The following MAGI1 variants were observed in gnomAD, a reference collection of about 807,000 sequenced individuals.
The protein encoded by MAGI1 is membrane associated guanylate kinase, WW and PDZ domain containing 1.
A neutral mutation model predicts 139.9 loss-of-function variants in MAGI1; 58 were observed. That is an observed-to-expected ratio of 0.41 (90% CI 0.34 to 0.52). The LOEUF (loss-of-function observed/expected upper bound fraction) is 0.52, where lower values mean the gene tolerates loss of function less well. MAGI1 is among the 20% of genes least tolerant of loss of function. The pLI, the probability that MAGI1 is intolerant of heterozygous loss-of-function variation, is 0.12. For missense variants in MAGI1, 1,874 were observed against 1,901.6 expected (o/e 0.99, Z 0.27); for synonymous variants, 812 against 737.9 (o/e 1.10, Z -1.63).
chr3:65,692,125 G>A (rs2088723946), intron 1 of MAGI1, among the ~76,000 whole-genome samples: 1 of 151,960 alleles, frequency 6.6e-6, no homozygotes, highest in Admixed American at 6.5e-5. Flanking sequence ...AAAAAAATGT[G>A]ATCTGGACAT....
intron 1 of MAGI1, among the ~76,000 whole-genome samples, chr3:66,028,677 G>A (rs1463536712): frequency 6.6e-6 from 1 of 151,982 alleles, no homozygotes; most frequent in African/African-American, 2.4e-5. Context: ...CACAACCTGC[G>A]ACCTGCGAAC....
intron 1 of MAGI1, among the ~76,000 whole-genome samples, chr3:65,631,549 A>G (rs767249157): frequency 6.6e-6 from 1 of 152,120 alleles, no homozygotes; most frequent in Non-Finnish European, 1.5e-5. Context: ...ACTTCTGATT[A>G]TCTTCTTGAG....
chr3:65,401,700 G>T, intron 12 of MAGI1: 1 of 1,530,300 alleles, frequency 6.5e-7, no homozygotes, highest in South Asian at 1.2e-5. Context: ...ATGCTGACTT[G>T]TACTGCAGCA....
chr3:65,673,474 G>A (rs1242060236), intron 1 of MAGI1, among the ~76,000 whole-genome samples: 3 of 152,138 alleles, frequency 2.0e-5, no homozygotes, highest in South Asian at 2.1e-4. Context: ...TTGTTGAGGT[G>A]TACCATATTT....
intron 1 of MAGI1, among the ~76,000 whole-genome samples, chr3:65,851,414 C>T (rs2059197669): frequency 6.6e-6 from 1 of 152,066 alleles, no homozygotes; most frequent in Admixed American, 6.6e-5. Context: ...TTTTGATGGG[C>T]ACTGGTGATG....
intron 13 of MAGI1, among the ~76,000 whole-genome samples, chr3:65,394,257 C>T (rs931398476): frequency 3.3e-5 from 5 of 152,158 alleles, no homozygotes; most frequent in Non-Finnish European, 5.9e-5. Context: ...TTTCTCACCT[C>T]CCCAATAAAT....
chr3:65,543,309 T>C (rs970586039), intron 2 of MAGI1, among the ~76,000 whole-genome samples: 8 of 152,174 alleles, frequency 5.3e-5, no homozygotes, highest in Admixed American at 2.6e-4. Flanking sequence ...GGTGGGAGTC[T>C]AAATTAGTTC....
intron 2 of MAGI1, among the ~76,000 whole-genome samples, chr3:65,514,517 T>C (rs1395664519): frequency 6.6e-6 from 1 of 150,532 alleles, no homozygotes; most frequent in Non-Finnish European, 1.5e-5. Context: ...CAGACACTTC[T>C]CAAAAGAAGA....
intron 1 of MAGI1, among the ~76,000 whole-genome samples, chr3:66,018,702 TTC>T (rs2067802563): frequency 6.6e-6 from 1 of 152,198 alleles, no homozygotes; most frequent in African/African-American, 2.4e-5. Context: ...GCCTTCTGCA[TTC>T]TGAGTGCTCG....
intron 2 of MAGI1, among the ~76,000 whole-genome samples, chr3:65,536,102 C>A (rs2103153): frequency 6.6e-6 from 1 of 152,204 alleles, no homozygotes; most frequent in Non-Finnish European, 1.5e-5. Flanking sequence ...GTTATTTACA[C>A]TTATACGTTT....
At position 65,594,099 on chromosome 3, in the gene MAGI1, A is replaced by T. The variant is rs145003987; in HGVS notation, c.430+27873T>A. 6.2e-4 allele frequency among the ~76,000 whole-genome samples: 94 copies of T among 152,286 alleles called. No homozygotes were observed. In the East Asian group the frequency reaches 0.016, roughly 26 times the overall value. On this transcript the variant is annotated intron_variant, in intron 2 of 22. Transcript: ENST00000402939. The stretch of plus-strand genomic sequence containing the variant: ...CTGGCCACCTATCAAAACTTTAAGG[A>T]TGTCAACCGCCATGGATGAAGAAAT...
At chr3:65,921,943 C>T (rs997804532) in intron 1 of MAGI1, among the ~76,000 whole-genome samples, 1 of 151,604 alleles carries the variant, frequency 6.6e-6, no homozygotes, top group South Asian at 2.1e-4. Context: ...CACACACACA[C>T]ACACACACAC....
chr3:65,486,513 G>A (rs1247867275), intron 3 of MAGI1, among the ~76,000 whole-genome samples: 1 of 152,182 alleles, frequency 6.6e-6, no homozygotes, highest in Non-Finnish European at 1.5e-5. Flanking sequence ...AAAGGGAAAT[G>A]GTTCAGCTGA....
At chr3:65,772,976 G>C (rs2038078152) in intron 1 of MAGI1, among the ~76,000 whole-genome samples, 1 of 152,178 alleles carries the variant, frequency 6.6e-6, no homozygotes, top group Non-Finnish European at 1.5e-5. Context: ...CTGCAGAACT[G>C]GGTGAAGATA....
chr3:65,465,857 G>T (rs1559579179), intron 5 of MAGI1, among the ~76,000 whole-genome samples: 1 of 152,100 alleles, frequency 6.6e-6, no homozygotes, highest in Non-Finnish European at 1.5e-5. Flanking sequence ...TGAAATAAAT[G>T]TTAGATCTTT....
At chr3:65,884,891 T>C (rs1290181287) in intron 1 of MAGI1, among the ~76,000 whole-genome samples, 2 of 152,190 alleles carry the variant, frequency 1.3e-5, no homozygotes, top group African/African-American at 2.4e-5. Context: ...ATTAGCATGA[T>C]ATGTACCAAA....
intron 1 of MAGI1, among the ~76,000 whole-genome samples, chr3:65,913,621 C>CT (rs2061765909): frequency 2.6e-5 from 4 of 152,160 alleles, no homozygotes; most frequent in Admixed American, 2.6e-4. Flanking sequence ...AAACACAGTA[C>CT]TGCTTGGAGC....
chr3:65,652,030 A>G (rs2085614089), intron 1 of MAGI1, among the ~76,000 whole-genome samples: 1 of 152,208 alleles, frequency 6.6e-6, no homozygotes, highest in African/African-American at 2.4e-5. Flanking sequence ...ACAAAACAAT[A>G]TCTACTTCCA....
chr3:65,374,786 G>A (rs1942339911), intron 18 of MAGI1, among the ~76,000 whole-genome samples: 1 of 151,986 alleles, frequency 6.6e-6, no homozygotes, highest in Non-Finnish European at 1.5e-5. Context: ...GTTCCCTGGG[G>A]GGCAGAATCA....
Sources: allele counts gnomAD v4.1 joint callset (sites outside exome capture counted in the v4.1 genomes callset), GRCh38; gene constraint gnomAD v4.1.1; transcripts MANE v1.5; gene names NCBI Gene and HGNC (gene_info 2026-07-23, HGNC 2026-07-21).